The following RIN3 variants were observed in gnomAD, a reference collection of about 807,000 sequenced individuals.
RIN3 encodes the protein RAB5 interacting protein 3.
Under a neutral mutation model 76.3 loss-of-function variants are expected in RIN3, and 54 were observed. The ratio of observed to expected loss-of-function variants is 0.71; its 90% CI spans 0.57 to 0.89. The LOEUF (loss-of-function observed/expected upper bound fraction) is 0.89, where lower values mean the gene tolerates loss of function less well. Ranked by LOEUF, RIN3 falls within the 40% of genes least tolerant of loss-of-function variation. The pLI is 0.00. For synonymous variants in RIN3, 576 were observed against 564.0 expected, an observed-to-expected ratio of 1.02 and a Z score of -0.30; for missense variants, 1,256 against 1,322.1, an observed-to-expected ratio of 0.95 and a Z score of 0.78.
chr14:92,540,816 T>C (rs1897115707), intron 1 of RIN3, among the ~76,000 whole-genome samples: 3 of 152,158 alleles, frequency 2.0e-5, no homozygotes, highest in Admixed American at 6.5e-5. Context: ...CAAGGGTCGG[T>C]TGAGTCACAG....
At chr14:92,602,625 CATTATT>C (rs137884226) in intron 3 of RIN3, among the ~76,000 whole-genome samples, 2 of 152,098 alleles carry the variant, frequency 1.3e-5, no homozygotes, top group African/African-American at 2.4e-5. Flanking sequence ...TGGAAGATGA[CATTATT>C]ATTATTATTA....
At chr14:92,661,453 C>T (rs966377970) in intron 7 of RIN3, among the ~76,000 whole-genome samples, 50 of 151,916 alleles carry the variant, frequency 3.3e-4, no homozygotes, top group African/African-American at 1.1e-3. Flanking sequence ...AGGCCAGGTG[C>T]GGTGGCTCAT....
At chr14:92,530,600 A>C (rs1284002234) in intron 1 of RIN3, among the ~76,000 whole-genome samples, 2 of 149,352 alleles carry the variant, frequency 1.3e-5, no homozygotes, top group East Asian at 4.0e-4. Flanking sequence ...ACAGCAAATC[A>C]CTTGATCAAA....
intron 7 of RIN3, among the ~76,000 whole-genome samples, chr14:92,663,157 C>T (rs1887950814): frequency 6.6e-6 from 1 of 152,160 alleles, no homozygotes; most frequent in Non-Finnish European, 1.5e-5. Flanking sequence ...TTATTGTGTA[C>T]AACATGATGC....
chr14:92,678,201 TCCAC>T (rs1190208157), intron 8 of RIN3, among the ~76,000 whole-genome samples: 1 of 138,290 alleles, frequency 7.2e-6, no homozygotes, highest in African/African-American at 2.7e-5. Context: ...CATCCATCCA[TCCAC>T]CCACCCATTC....
chr14:92,574,581 G>A (rs10138616), intron 2 of RIN3, among the ~76,000 whole-genome samples: 11,880 of 152,200 alleles, frequency 0.078, 684 homozygotes, highest in East Asian at 0.27. Context: ...TGATTTGGGG[G>A]CTGCTTTTTG....
At chr14:92,592,684 T>G (rs1885025584) in intron 3 of RIN3, among the ~76,000 whole-genome samples, 1 of 117,172 alleles carries the variant, frequency 8.5e-6, no homozygotes, top group Non-Finnish European at 1.8e-5. Flanking sequence ...ATTATTATTA[T>G]TATTATTGTG....
rs376225799 is a variant in RIN3, at chr14:92,540,008, G to T, written c.45-15743G>T. ...CACACGTTGGGGTCAGTGTGGGCAGGTGGAGCCCAGTAGGGACAGCGGGGC... is the reference window on the plus strand; with the variant it reads ...CACACGTTGGGGTCAGTGTGGGCAGTTGGAGCCCAGTAGGGACAGCGGGGC... On this transcript the variant is annotated intron_variant, in intron 1 of 9. Coordinates refer to ENST00000216487, the MANE Select transcript of RIN3 (RefSeq NM_024832.5). Among the ~76,000 whole-genome samples the T allele has an allele frequency of 1.7e-3, 260 of 152,360 alleles. 2 individuals are homozygous for T. Among genetic ancestry groups the T allele is most frequent in the African/African-American group, 5.7e-3 (237 of 41,576 alleles).
intron 2 of RIN3, among the ~76,000 whole-genome samples, chr14:92,560,831 C>T (rs1897741185): frequency 6.6e-6 from 1 of 150,962 alleles, no homozygotes; most frequent in African/African-American, 2.4e-5. Context: ...CCAGCCTGGT[C>T]AACATGATGA....
chr14:92,684,086 A>G (rs928090488), intron 8 of RIN3, among the ~76,000 whole-genome samples: 18 of 152,166 alleles, frequency 1.2e-4, no homozygotes, highest in Non-Finnish European at 5.9e-5. Context: ...TGTGTCAAAA[A>G]TCAATCACAC....
chr14:92,659,532 C>T (rs1887802433), intron 7 of RIN3, 63 bp downstream of exon 7: 4 of 1,437,864 alleles, frequency 2.8e-6, no homozygotes, highest in Non-Finnish European at 3.8e-6. Flanking sequence ...CATGACCCCA[C>T]CCTGACCAGG....
chr14:92,597,256 G>A (rs977083421), intron 3 of RIN3, among the ~76,000 whole-genome samples: 2 of 152,146 alleles, frequency 1.3e-5, no homozygotes, highest in Non-Finnish European at 2.9e-5. Context: ...TTCAATCAGG[G>A]CATGATAGGA....
intron 5 of RIN3, 143 bp downstream of exon 5, chr14:92,641,472 G>A (rs1887012202): frequency 1.6e-6 from 1 of 638,726 alleles, no homozygotes. Flanking sequence ...TCAGGCTGCT[G>A]AGCCACGTGA....
chr14:92,618,758 A>C (rs78090068), intron 4 of RIN3, among the ~76,000 whole-genome samples: 4,707 of 152,328 alleles, frequency 0.031, 93 homozygotes, highest in Middle Eastern at 0.068. Context: ...ATTGGTTATA[A>C]ACAATTTCAG....
intron 3 of RIN3, among the ~76,000 whole-genome samples, chr14:92,600,885 A>G (rs1885320385): frequency 6.6e-6 from 1 of 152,146 alleles, no homozygotes. Flanking sequence ...CTGAGTTGTA[A>G]CAATCAAAAG....
chr14:92,587,319 A>G (rs1358170099), intron 3 of RIN3, among the ~76,000 whole-genome samples: 1 of 152,164 alleles, frequency 6.6e-6, no homozygotes, highest in Non-Finnish European at 1.5e-5. Flanking sequence ...CTGGGGAGCT[A>G]AGATAAGGGG....
At chr14:92,560,449 T>C (rs1897731218) in intron 2 of RIN3, among the ~76,000 whole-genome samples, 1 of 152,088 alleles carries the variant, frequency 6.6e-6, no homozygotes, top group African/African-American at 2.4e-5. Flanking sequence ...AGGGCCTGAG[T>C]GCATGTGCTG....
intron 3 of RIN3, among the ~76,000 whole-genome samples, chr14:92,607,324 C>T (rs750917412): frequency 6.6e-6 from 1 of 152,230 alleles, no homozygotes; most frequent in African/African-American, 2.4e-5. Context: ...GGTGTGGCCT[C>T]TCTGGAAAGG....
chr14:92,681,174 G>A lies in RIN3; in HGVS notation c.2468-3813G>A, dbSNP rs1373420566. 1.3e-5 allele frequency among the ~76,000 whole-genome samples: 2 copies of A among 152,208 alleles called. No homozygotes were observed. The highest frequency in any genetic ancestry group is 6.5e-5 in the Admixed American group (1 of 15,274). ...GGGCTGGTGTCTTTCCAGGGGCAGTGGGTTTTTCCAATCAACGCATTCGCC... is the reference window on the plus strand; with the variant it reads ...GGGCTGGTGTCTTTCCAGGGGCAGTAGGTTTTTCCAATCAACGCATTCGCC... On this transcript the variant is annotated intron_variant, in intron 8 of 9. Transcript: ENST00000216487. This position sits in a 1 kb window ranked among gnomAD's most constrained non-coding sequence, Gnocchi z 4.7.
Sources: gnomAD v4.1 joint callset for allele counts (sites outside exome capture counted in the v4.1 genomes callset) on GRCh38, gnomAD v4.1.1 for gene constraint, Gnocchi (gnomAD v3.1) non-coding constraint, MANE v1.5 for transcripts, NCBI Gene and HGNC (gene_info 2026-07-23, HGNC 2026-07-21) for gene names.